Variants in INTS5 observed in about 807,000 individuals in gnomAD.
The protein encoded by INTS5 is KIAA1698.
In INTS5, 29 loss-of-function variants were observed where a neutral mutation model predicts 60.0. The observed-to-expected ratio is 0.48, with a 90% CI of 0.36 to 0.66. The LOEUF is 0.66. Among genes scored for constraint, INTS5 ranks in the 30% least tolerant of loss-of-function variants. The pLI, the probability that INTS5 is intolerant of heterozygous loss-of-function variation, is 0.00. For synonymous variants in INTS5, 588 were observed against 558.8 expected, an observed-to-expected ratio of 1.05 and a Z score of -0.74; for missense variants, 1,129 against 1,307.9, an observed-to-expected ratio of 0.86 and a Z score of 2.11.
In INTS5 at chr11:62,650,506, G is replaced by A. The variant is rs1375739205; in HGVS notation, c.81-507C>T. On this transcript the variant is annotated intron_variant, in intron 1 of 1. Coordinates refer to ENST00000330574, the MANE Select transcript of INTS5 (RefSeq NM_030628.2). Reference sequence around the variant, plus strand: ...TGGCTCACTGCAACCTCCGCCTACTGAGTTCAAGCAATTCTCCTGCCTCAG... The same window carrying A: ...TGGCTCACTGCAACCTCCGCCTACTAAGTTCAAGCAATTCTCCTGCCTCAG... 3.3e-5 allele frequency among the ~76,000 whole-genome samples: 5 copies of A among 151,216 alleles called. No individual in the cohort carries two copies. The South Asian group carries it at 6.3e-4, about 19-fold the overall frequency.
At position 62,647,916 on chromosome 11, in the gene INTS5, A is replaced by C. The variant is rs761042544; in HGVS notation, c.2164T>G (p.Ser722Ala). 5.0e-6 allele frequency: 8 copies of C among 1,614,240 alleles called. No homozygotes were observed. Among genetic ancestry groups the C allele is most frequent in the South Asian group, 4.4e-5 (4 of 91,090 alleles). The change falls in exon 2 of 2, where the codon TCT (serine) becomes GCT (alanine). Residue 722 changes from serine to alanine, a missense_variant. Coordinates refer to ENST00000330574, the MANE Select transcript of INTS5 (RefSeq NM_030628.2). ...DNETLSVVSA[S>A]LASASLLDTN... The stretch of plus-strand genomic sequence containing the variant: ...TCCAACAGGGAGGCAGAAGCCAAAG[A>C]AGCTGAAACAACTGAGAGAGTCTCA...
In INTS5 at chr11:62,648,615, A is replaced by C; in HGVS notation, c.1465T>G (p.Leu489Val). Reference sequence around the variant, plus strand: ...AGGAAGCGCTTCCGTTCCAATCGTAACGTCTCTCCACACAGCTCTCCAACA... The same window carrying C: ...AGGAAGCGCTTCCGTTCCAATCGTACCGTCTCTCCACACAGCTCTCCAACA... ...NHVGELCGET[L>V]RLERKRFLWQ... The change falls in exon 2 of 2, where the codon TTA becomes GTA. Residue 489 changes from leucine to valine, a missense_variant. By Grantham distance (32) the Leu-to-Val change is conservative. This residue lies in a region of INTS5 where 1,070 missense variants were observed against 1,246.1 expected (regional missense o/e 0.86). Coordinates refer to ENST00000330574, the MANE Select transcript of INTS5 (RefSeq NM_030628.2). This position sits in a 1 kb window ranked among gnomAD's most constrained non-coding sequence, Gnocchi z 4.4. 2 of 1,613,972 alleles carry C rather than the reference A, an allele frequency of 1.2e-6. No homozygotes were observed. The highest frequency in any genetic ancestry group is 1.7e-6 in the Non-Finnish European group (2 of 1,179,970).
At chr11:62,651,502 C>T (rs868112673) in intron 1 of INTS5, among the ~76,000 whole-genome samples, 1 of 152,092 alleles carries the variant, frequency 6.6e-6, no homozygotes, top group Non-Finnish European at 1.5e-5. Context: ...AAGTACTTTG[C>T]GTGTATTATT....
Position 62,653,245 on chromosome 11 carries a change from G to A in INTS5, c.5C>T (p.Ser2Phe). 2 of 1,243,512 alleles carry A rather than the reference G, an allele frequency of 1.6e-6. No individual in the cohort carries two copies. Among genetic ancestry groups the A allele is most frequent in the East Asian group, 3.2e-5 (1 of 31,654 alleles). 77.0% of individuals were successfully genotyped at this position (1,243,512 alleles called of 1,614,324 possible). A position where few individuals can be genotyped will look rare whatever the true frequency, so the allele number is the denominator to read the frequency against. The change falls in exon 1 of 2, where the codon TCC becomes TTC. Residue 2 changes from serine (S) to phenylalanine (F), a missense_variant. By Grantham distance (155) the Ser-to-Phe change is radical. Coordinates refer to ENST00000330574, the MANE Select transcript of INTS5 (RefSeq NM_030628.2). M[S>F]ALCDPPGAPG... is the part of the protein sequence containing the mutation. Reference sequence around the variant, plus strand: ...GGCCCCGGGAGGGTCGCACAGCGCGGACATCCCGGAGCCCGAGCCGAGCCC... The same window carrying A: ...GGCCCCGGGAGGGTCGCACAGCGCGAACATCCCGGAGCCCGAGCCGAGCCC...
In INTS5 at chr11:62,647,108, A is replaced by G. The variant is rs1590835432; in HGVS notation, c.2972T>C (p.Val991Ala). 2 of 1,614,138 alleles carry G rather than the reference A, an allele frequency of 1.2e-6. No homozygotes were observed. Among genetic ancestry groups the G allele is most frequent in the East Asian group, 2.2e-5 (1 of 44,884 alleles). The change falls in exon 2 of 2, where the codon GTC (valine) becomes GCC (alanine). Residue 991 changes from valine to alanine, a missense_variant. Coordinates refer to ENST00000330574, the MANE Select transcript of INTS5 (RefSeq NM_030628.2). ...GGPHLAVLHS[V>A]LHRNIDRLGL... is the part of the protein sequence containing the mutation. ...TAGGCGGTCGATGTTGCGGTGGAGG[A>G]CACTGTGCAGCACAGCCAGATGGGG... is the stretch of plus-strand genomic sequence containing the variant.
At position 62,647,261 on chromosome 11, in the gene INTS5, C is replaced by T; in HGVS notation, c.2819G>A (p.Arg940His). The T allele has an allele frequency of 1.2e-6, 2 of 1,614,246 alleles. No individual in the cohort carries two copies. The highest frequency in any genetic ancestry group is 1.7e-6 in the Non-Finnish European group (2 of 1,180,042). Residue 940 changes from arginine (R) to histidine (H), a missense_variant, in exon 2 of 2, where the codon CGT becomes CAT. Physicochemically the swap from Arg to His is conservative, Grantham distance 29. Transcript: ENST00000330574. ...VFSQLAPFEV[R>H]LLLLSVWGFL... Reference sequence around the variant, plus strand: ...ACCCCAGACACTGAGCAGCAGCAGACGCACCTCGAAAGGTGCCAGTTGGCT... The same window carrying T: ...ACCCCAGACACTGAGCAGCAGCAGATGCACCTCGAAAGGTGCCAGTTGGCT...
In INTS5 at chr11:62,648,987, G is replaced by C. The variant is rs1409019923; in HGVS notation, c.1093C>G (p.Pro365Ala). The C allele has an allele frequency of 1.9e-6, 3 of 1,613,376 alleles. No homozygotes were observed. The South Asian group carries it at 3.3e-5, about 18-fold the overall frequency. ...TGCAGCTGGCTCAGCACAGCTGGGG[G>C]CTTGAGGCAATCCACAAGCTCTCCA... ...VSGELVDCLKPPAVLSQLQQH... is the reference protein window; with the variant it reads ...VSGELVDCLKAPAVLSQLQQH... The change falls in exon 2 of 2, where the codon CCC becomes GCC. Residue 365 changes from proline to alanine, a missense_variant. By Grantham distance (27) the Pro-to-Ala change is conservative. Coordinates refer to ENST00000330574, the MANE Select transcript of INTS5 (RefSeq NM_030628.2). The surrounding 1 kb of genome is among the most constrained non-coding windows in gnomAD (Gnocchi z 4.4).
Position 62,647,929 on chromosome 11 carries a change from TGAGA to T in INTS5, c.2147_2150del (p.Leu716GlnfsTer42). 1 of 1,614,200 alleles carries T rather than the reference TGAGA, an allele frequency of 6.2e-7. No homozygotes were observed. Among genetic ancestry groups the T allele is most frequent in the Non-Finnish European group, 8.5e-7 (1 of 1,180,040 alleles). On this transcript the variant is annotated frameshift_variant, in exon 2 of 2. Transcript: ENST00000330574. LOFTEE classifies it high-confidence loss of function. ...CAGAAGCCAAAGAAGCTGAAACAAC[TGAGA>T]GAGTCTCATTGTCCCCATCTACTTG... is the stretch of plus-strand genomic sequence containing the variant.
rs906206412 is a variant in INTS5 at position 62,647,586 on chromosome 11, G to A, written c.2494C>T (p.Pro832Ser). The part of the protein sequence containing the change: ...PDAAGAELAW[P>S]PEEHARATVE... ...GTGGCCCGGGCGTGTTCCTCGGGGG[G>A]CCAGGCCAGCTCTGCACCAGCTGCA... The change falls in exon 2 of 2, where the codon CCC becomes TCC. Residue 832 changes from proline to serine, a missense_variant. Physicochemically the swap from Pro to Ser is moderately conservative, Grantham distance 74. Coordinates refer to ENST00000330574, the MANE Select transcript of INTS5 (RefSeq NM_030628.2). 2.5e-6 allele frequency: 4 copies of A among 1,613,788 alleles called. No individual in the cohort carries two copies. The highest frequency in any genetic ancestry group is 4.5e-5 in the East Asian group (2 of 44,902).
Position 62,648,867 on chromosome 11 carries a change from G to C in INTS5, c.1213C>G (p.Arg405Gly), listed in dbSNP as rs757145863. The C allele has an allele frequency of 1.2e-6, 2 of 1,613,922 alleles. No homozygotes were observed. The highest frequency in any genetic ancestry group is 8.5e-7 in the Non-Finnish European group (1 of 1,180,024). Residue 405 changes from arginine (R) to glycine (G), a missense_variant, in exon 2 of 2, where the codon CGC becomes GGC. Physicochemically the swap from Arg to Gly is moderately radical, Grantham distance 125. Coordinates refer to ENST00000330574, the MANE Select transcript of INTS5 (RefSeq NM_030628.2). This position sits in a 1 kb window ranked among gnomAD's most constrained non-coding sequence, Gnocchi z 4.4. The part of the protein sequence containing the change: ...VSQASGAGAY[R>G]LLQFLVDTAM... ...GTGTCCACCAGGAACTGCAGCAAGC[G>C]GTAGGCACCTGCCCCAGAGGCCTGG...
Position 62,649,642 on chromosome 11 carries a change from T to G in INTS5, c.438A>C (p.Ala146=). Residue 146 remains alanine, a synonymous_variant, in exon 2 of 2, where the codon GCA becomes GCC. Coordinates refer to ENST00000330574, the MANE Select transcript of INTS5 (RefSeq NM_030628.2). This position sits in a 1 kb window ranked among gnomAD's most constrained non-coding sequence, Gnocchi z 6.0. ...GTTGCCCCATGAGGTCAATGGACCA[T>G]GCACTAATCACAGGTGCCCAGGCCT... is the stretch of plus-strand genomic sequence containing the variant. ...NPKAWAPVIS[A]WSIDLMGQLS... 6.2e-7 allele frequency: 1 copy of G among 1,614,206 alleles called. No homozygotes were observed. The highest frequency in any genetic ancestry group is 8.5e-7 in the Non-Finnish European group (1 of 1,180,038).
chr11:62,646,988 C>G lies in INTS5; in HGVS notation c.*32G>C, dbSNP rs771139500. On this transcript the variant is annotated 3_prime_UTR_variant, in exon 2 of 2. Coordinates refer to ENST00000330574, the MANE Select transcript of INTS5 (RefSeq NM_030628.2). ...TTAGTCCCTTCCCTCTCTCACTGCT[C>G]AACCTCCCTGGGCTTCCAGAGCAAG... is the stretch of plus-strand genomic sequence containing the variant. 4.5e-6 allele frequency: 7 copies of G among 1,566,936 alleles called. No homozygotes were observed. The highest frequency in any genetic ancestry group is 6.1e-6 in the Non-Finnish European group (7 of 1,146,068).
chr11:62,650,917 C>T (rs1032959657), intron 1 of INTS5, among the ~76,000 whole-genome samples: 7 of 152,126 alleles, frequency 4.6e-5, no homozygotes, highest in African/African-American at 1.7e-4. Flanking sequence ...CTATGTTCCA[C>T]AGGCTGGTTT....
Position 62,653,301 on chromosome 11 carries a change from A to T in INTS5, c.-52T>A, listed in dbSNP as rs1389983557. The T allele has an allele frequency of 8.4e-7, 1 of 1,187,914 alleles. No homozygotes were observed. 73.6% of individuals were successfully genotyped at this position (1,187,914 alleles called of 1,614,324 possible). ...GCGAGCGGCGGAGCGCAGGCGGCGC[A>T]TGCGCGCTGACAGGAAACGCGAAAG... is the stretch of plus-strand genomic sequence containing the variant. On this transcript the variant is annotated 5_prime_UTR_variant, in exon 1 of 2. It removes an upstream start codon present in the reference 5' UTR. Transcript: ENST00000330574.
rs751553655 is a variant in INTS5, at chr11:62,647,285, C to T, written c.2795G>A (p.Ser932Asn). The change falls in exon 2 of 2, where the codon AGC (serine) becomes AAC (asparagine). Residue 932 changes from serine (S) to asparagine (N), a missense_variant. Ser to Asn is a conservative substitution (Grantham distance 46). This residue lies in a region of INTS5 where 1,070 missense variants were observed against 1,246.1 expected (regional missense o/e 0.86). Coordinates refer to ENST00000330574, the MANE Select transcript of INTS5 (RefSeq NM_030628.2). ...PALGNMHEVFSQLAPFEVRLL... is the reference protein window; with the variant it reads ...PALGNMHEVFNQLAPFEVRLL... ...ACGCACCTCGAAAGGTGCCAGTTGG[C>T]TAAATACTTCATGCATATTACCCAG... The T allele has an allele frequency of 6.8e-6, 11 of 1,614,106 alleles. No homozygotes were observed. The Admixed American group carries it at 1.8e-4, about 27-fold the overall frequency.
chr11:62,649,450 A>T lies in INTS5; in HGVS notation c.630T>A (p.Asp210Glu). The T allele has an allele frequency of 6.2e-7, 1 of 1,614,226 alleles. No homozygotes were observed. The highest frequency in any genetic ancestry group is 8.5e-7 in the Non-Finnish European group (1 of 1,180,040). ...LIGSCPDACV[D>E]ALLDTSVQHS... The stretch of plus-strand genomic sequence containing the variant: ...GCTGAACAGAGGTATCCAGCAAGGC[A>T]TCCACACACGCATCTGGGCAGCTAC... Residue 210 changes from aspartate to glutamate, a missense_variant, in exon 2 of 2, where the codon GAT becomes GAA. Asp to Glu is a conservative substitution (Grantham distance 45). This residue lies in a region of INTS5 where 1,070 missense variants were observed against 1,246.1 expected (regional missense o/e 0.86). Coordinates refer to ENST00000330574, the MANE Select transcript of INTS5 (RefSeq NM_030628.2). The surrounding 1 kb of genome is among the most constrained non-coding windows in gnomAD (Gnocchi z 6.0).
Position 62,647,343 on chromosome 11 carries a change from C to T in INTS5, c.2737G>A (p.Val913Ile). The T allele has an allele frequency of 6.2e-7, 1 of 1,614,000 alleles. No homozygotes were observed. The highest frequency in any genetic ancestry group is 8.5e-7 in the Non-Finnish European group (1 of 1,180,040). The change falls in exon 2 of 2, where the codon GTC (valine) becomes ATC (isoleucine). Residue 913 changes from valine (V) to isoleucine (I), a missense_variant. Transcript: ENST00000330574. ...HLEASCTLVA[V>I]MAEGSLLPPA... The stretch of plus-strand genomic sequence containing the variant: ...GGCAGGAGGCTTCCCTCAGCCATGA[C>T]AGCCACTAAGGTGCAGGATGCCTCC...
Position 62,649,598 on chromosome 11 carries a change from C to A in INTS5, c.482G>T (p.Gly161Val). Residue 161 changes from glycine to valine, a missense_variant, in exon 2 of 2, where the codon GGC becomes GTC. Coordinates refer to ENST00000330574, the MANE Select transcript of INTS5 (RefSeq NM_030628.2). The surrounding 1 kb of genome is among the most constrained non-coding windows in gnomAD (Gnocchi z 6.0). ...LMGQLSSTYS[G>V]QHQRVPHATG... is the part of the protein sequence containing the mutation. ...AGCGTGGGGAACACGCTGGTGCTGG[C>A]CTGAGTACGTGCTGCTCAGTTGCCC... 1 of 1,614,130 alleles carries A rather than the reference C, an allele frequency of 6.2e-7. No individual in the cohort carries two copies. Among genetic ancestry groups the A allele is most frequent in the Non-Finnish European group, 8.5e-7 (1 of 1,180,024 alleles).
At position 62,648,246 on chromosome 11, in the gene INTS5, G is replaced by T; in HGVS notation, c.1834C>A (p.Pro612Thr). 6.2e-7 allele frequency: 1 copy of T among 1,613,838 alleles called. No homozygotes were observed. Among genetic ancestry groups the T allele is most frequent in the African/African-American group, 1.3e-5 (1 of 75,058 alleles). Residue 612 changes from proline (P) to threonine (T), a missense_variant, in exon 2 of 2, where the codon CCT becomes ACT. Physicochemically the swap from Pro to Thr is conservative, Grantham distance 38. This residue lies in a region of INTS5 where 1,070 missense variants were observed against 1,246.1 expected (regional missense o/e 0.86). Transcript: ENST00000330574. This position sits in a 1 kb window ranked among gnomAD's most constrained non-coding sequence, Gnocchi z 4.4. Reference sequence around the variant, plus strand: ...TCCTCCTCAGGATGTAGCAGGAGAGGAGCCAGGTCAGACAGATGGGCTGAG... The same window carrying T: ...TCCTCCTCAGGATGTAGCAGGAGAGTAGCCAGGTCAGACAGATGGGCTGAG... ...SASAHLSDLA[P>T]LLLHPEEEVA...
Sources: gnomAD v4.1 joint callset for allele counts (sites outside exome capture counted in the v4.1 genomes callset) on GRCh38, gnomAD v4.1.1 for gene constraint, gnomAD v4.1.1 regional missense constraint, Gnocchi (gnomAD v3.1) non-coding constraint, MANE v1.5 for transcripts, NCBI Gene and HGNC (gene_info 2026-07-23, HGNC 2026-07-21) for gene names.